The following PDE4B variants were observed in gnomAD, a reference collection of about 807,000 sequenced individuals.
The protein encoded by PDE4B is 3',5'-cyclic-AMP phosphodiesterase 4B.
Under a neutral mutation model 82.2 loss-of-function variants are expected in PDE4B, and 20 were observed. That is an observed-to-expected ratio of 0.24 (90% confidence interval 0.17 to 0.35). The LOEUF is 0.35. PDE4B is among the 10% of genes least tolerant of loss of function. The pLI is 1.00. For missense variants in PDE4B, 655 were observed against 907.2 expected, an observed-to-expected ratio of 0.72 and a Z score of 3.57; for synonymous variants, 320 against 318.9, an observed-to-expected ratio of 1.00 and a Z score of -0.04.
At chr1:66,134,419 G>T (rs1487461504) in intron 3 of PDE4B, among the ~76,000 whole-genome samples, 1 of 152,104 alleles carries the variant, frequency 6.6e-6, no homozygotes, top group Non-Finnish European at 1.5e-5. Flanking sequence ...TACAGTATTT[G>T]ATTCTTCTCT....
chr1:65,823,510 T>C (rs1239182805), intron 1 of PDE4B, among the ~76,000 whole-genome samples: 3 of 152,052 alleles, frequency 2.0e-5, no homozygotes, highest in African/African-American at 7.2e-5. Flanking sequence ...TTGTTTCCAC[T>C]GCGCCTGCAC....
intron 3 of PDE4B, among the ~76,000 whole-genome samples, chr1:66,190,684 G>A (rs1647705633): frequency 6.6e-6 from 1 of 152,172 alleles, no homozygotes; most frequent in Non-Finnish European, 1.5e-5. Context: ...AAGACCATTG[G>A]AAGAGTGCAG....
At chr1:66,169,669 ATC>A in intron 3 of PDE4B, among the ~76,000 whole-genome samples, 2 of 152,210 alleles carry the variant, frequency 1.3e-5, no homozygotes, top group Non-Finnish European at 2.9e-5. Flanking sequence ...TATTTGATTA[ATC>A]AGATCACTGT....
At chr1:65,828,927 A>G (rs968717142) in intron 1 of PDE4B, among the ~76,000 whole-genome samples, 1 of 152,228 alleles carries the variant, frequency 6.6e-6, no homozygotes, top group South Asian at 2.1e-4. Context: ...GACGACAGCT[A>G]GCAAGATGGA....
chr1:65,955,520 C>G (rs1032162368), intron 3 of PDE4B, among the ~76,000 whole-genome samples: 5 of 152,278 alleles, frequency 3.3e-5, no homozygotes, highest in Admixed American at 2.6e-4. Context: ...CACACTGACA[C>G]TCACACAAGT....
At chr1:66,070,875 C>G (rs1054054177) in intron 3 of PDE4B, among the ~76,000 whole-genome samples, 10 of 152,066 alleles carry the variant, frequency 6.6e-5, no homozygotes, top group African/African-American at 2.4e-4. Context: ...TATAAATTCA[C>G]AGGAATTCAG....
rs2050901724 is a variant in PDE4B at position 66,374,554 on chromosome 1, G to A, written c.*1876G>A. ...TTCTAAAGAGACTTTTATATGAGGT[G>A]AATAAAGAAAAGCATGATTAGATTA... On this transcript the variant is annotated 3_prime_UTR_variant, in exon 17 of 17. Coordinates refer to ENST00000341517, the MANE Select transcript of PDE4B (RefSeq NM_002600.4). 6.6e-6 allele frequency: 1 copy of A among 152,560 alleles called. No individual in the cohort carries two copies. Among genetic ancestry groups the A allele is most frequent in the Non-Finnish European group, 1.5e-5 (1 of 68,030 alleles). The allele number at this position is 152,560 out of a possible 1,614,324, so 9.5% of individuals were successfully genotyped here.
chr1:66,160,238 A>G (rs781560655), intron 3 of PDE4B, among the ~76,000 whole-genome samples: 1 of 152,238 alleles, frequency 6.6e-6, no homozygotes, highest in Non-Finnish European at 1.5e-5. Context: ...ACCAGAAACA[A>G]GAGACCCAAA....
intron 1 of PDE4B, among the ~76,000 whole-genome samples, chr1:65,816,239 G>T (rs201561909): frequency 0.037 from 1,579 of 42,584 alleles, 27 homozygotes; most frequent in African/African-American, 0.086. Context: ...GAGAGAGAGA[G>T]AGATAGAGAG....
chr1:65,907,554 A>G (rs1187661812), intron 1 of PDE4B, among the ~76,000 whole-genome samples: 2 of 152,116 alleles, frequency 1.3e-5, no homozygotes, highest in Non-Finnish European at 2.9e-5. Context: ...CCTTCAGTTC[A>G]TAGTACAGTA....
intron 7 of PDE4B, among the ~76,000 whole-genome samples, chr1:66,313,579 T>G (rs1658816045): frequency 6.6e-6 from 1 of 152,222 alleles, no homozygotes; most frequent in Non-Finnish European, 1.5e-5. Flanking sequence ...AGATTTGGCC[T>G]GGTTCCTTAC....
chr1:66,176,332 C>G (rs150853717), intron 3 of PDE4B, among the ~76,000 whole-genome samples: 1 of 152,348 alleles, frequency 6.6e-6, no homozygotes, highest in East Asian at 1.9e-4. Context: ...TAGGCATCGC[C>G]TAAAATCTGC....
chr1:66,308,137 C>T (rs147986892), intron 7 of PDE4B, among the ~76,000 whole-genome samples: 66 of 152,218 alleles, frequency 4.3e-4, no homozygotes, highest in African/African-American at 1.3e-3. Flanking sequence ...CCTGCCTTGC[C>T]GTTGCCTCCA....
intron 3 of PDE4B, among the ~76,000 whole-genome samples, chr1:66,067,684 T>A (rs971831497): frequency 1.3e-5 from 2 of 152,124 alleles, no homozygotes; most frequent in Non-Finnish European, 2.9e-5. Context: ...CAGAAGTTCT[T>A]TAGTTTAATT....
At chr1:66,135,479 T>C (rs542146080) in intron 3 of PDE4B, among the ~76,000 whole-genome samples, 2 of 152,206 alleles carry the variant, frequency 1.3e-5, no homozygotes, top group Admixed American at 6.5e-5. Context: ...GTGTGAAGAA[T>C]AGGGCAATGC....
At chr1:66,143,384 G>C (rs575085263) in intron 3 of PDE4B, among the ~76,000 whole-genome samples, 2 of 152,212 alleles carry the variant, frequency 1.3e-5, no homozygotes, top group Admixed American at 1.3e-4. Flanking sequence ...GGAATGGTAG[G>C]TGGATCAGGC....
At chr1:65,949,737 G>T (rs547274214) in intron 3 of PDE4B, among the ~76,000 whole-genome samples, 3 of 152,172 alleles carry the variant, frequency 2.0e-5, no homozygotes, top group African/African-American at 7.2e-5. Flanking sequence ...TGTTATCTAA[G>T]ATACCTGCCT....
intron 3 of PDE4B, among the ~76,000 whole-genome samples, chr1:66,017,520 C>T (rs1024774240): frequency 1.3e-5 from 2 of 152,138 alleles, no homozygotes; most frequent in Admixed American, 6.5e-5. Flanking sequence ...GGTTTTGAGT[C>T]AAAATTGCAT....
At chr1:66,124,604 T>C (rs924508270) in intron 3 of PDE4B, among the ~76,000 whole-genome samples, 2 of 152,178 alleles carry the variant, frequency 1.3e-5, no homozygotes, top group African/African-American at 4.8e-5. Flanking sequence ...AACTAGACTC[T>C]TTCAATATAT....
Sources: allele counts gnomAD v4.1 joint callset (sites outside exome capture counted in the v4.1 genomes callset), GRCh38; gene constraint gnomAD v4.1.1; transcripts MANE v1.5; gene names NCBI Gene and HGNC (gene_info 2026-07-23, HGNC 2026-07-21).